TMEM44: variants seen among roughly 807,000 people sequenced by gnomAD.
TMEM44 encodes the protein transmembrane protein 44.
TMEM44 carries 43 observed loss-of-function variants against 47.8 expected under a neutral mutation model. The ratio of observed to expected loss-of-function variants is 0.90; its 90% CI spans 0.70 to 1.16. The LOEUF is 1.16. TMEM44 is among the 50% of genes most tolerant of loss of function. The probability of loss-of-function intolerance (pLI) is 0.00; values close to 1 mark genes in which losing one functional copy is unlikely to be tolerated. For synonymous variants in TMEM44, 277 were observed against 238.8 expected, an observed-to-expected ratio of 1.16 and a Z score of -1.48; for missense variants, 568 against 555.2, an observed-to-expected ratio of 1.02 and a Z score of -0.23.
intron 5 of TMEM44, among the ~76,000 whole-genome samples, chr3:194,622,169 G>A (rs560140514): frequency 1.3e-5 from 2 of 152,320 alleles, no homozygotes; most frequent in South Asian, 2.1e-4. Flanking sequence ...TTTCTCAGGC[G>A]CTTTCGCACG....
chr3:194,627,042 C>T (rs1261376860), intron 2 of TMEM44, among the ~76,000 whole-genome samples: 1 of 151,990 alleles, frequency 6.6e-6, no homozygotes, highest in Non-Finnish European at 1.5e-5. Flanking sequence ...CTGCCTCAGC[C>T]CGCTGAGTAG....
rs773953852 is a variant in TMEM44, at chr3:194,625,993, G to C, written c.265-3C>G. On this transcript the variant is annotated splice_region_variant and splice_polypyrimidine_tract_variant and intron_variant, in intron 2 of 9. Transcript: ENST00000347147. Reference sequence around the variant, plus strand: ...GCTAGGTAGGCACCAGTGAAAACCTGGGAGCAAACGGGAAGAGAGTCTTGG... The same window carrying C: ...GCTAGGTAGGCACCAGTGAAAACCTCGGAGCAAACGGGAAGAGAGTCTTGG... 15 of 1,606,366 alleles carry C rather than the reference G, an allele frequency of 9.3e-6. No individual in the cohort carries two copies. Among genetic ancestry groups the C allele is most frequent in the African/African-American group, 1.3e-5 (1 of 74,774 alleles).
At chr3:194,598,436 TA>T (rs11345614) in intron 9 of TMEM44, among the ~76,000 whole-genome samples, 64,922 of 151,900 alleles carry the variant, frequency 0.43, 14,750 homozygotes, top group East Asian at 0.77. Context: ...CAGTGGTTAA[TA>T]AAGAGAGGCT....
chr3:194,605,452 A>G (rs537859452), intron 8 of TMEM44, among the ~76,000 whole-genome samples: 1 of 152,358 alleles, frequency 6.6e-6, no homozygotes, highest in African/African-American at 2.4e-5. Context: ...ATGGACTTAC[A>G]GTTCCACATG....
intron 9 of TMEM44, among the ~76,000 whole-genome samples, chr3:194,603,687 C>T (rs1304164951): frequency 6.6e-6 from 1 of 152,082 alleles, no homozygotes; most frequent in African/African-American, 2.4e-5. Flanking sequence ...CGTGAGCCAC[C>T]ACACCCAGCC....
chr3:194,632,977 C>T, intron 1 of TMEM44, 102 bp downstream of exon 1: 3 of 1,462,548 alleles, frequency 2.1e-6, no homozygotes, highest in Non-Finnish European at 2.7e-6. Flanking sequence ...CCATCTCCTT[C>T]ATCCCCCTTT....
At position 194,626,106 on chromosome 3, in the gene TMEM44, G is replaced by A. The variant is rs775796992; in HGVS notation, c.265-116C>T. The A allele has an allele frequency of 3.2e-5, 24 of 758,620 alleles. No homozygotes were observed. The East Asian group carries it at 3.6e-4, about 11-fold the overall frequency. The allele number at this position is 758,620 out of a possible 1,614,324, so 47.0% of individuals were successfully genotyped here. A position where few individuals can be genotyped will look rare whatever the true frequency, so the allele number is the denominator to read the frequency against. On this transcript the variant is annotated intron_variant, in intron 2 of 9. Coordinates refer to ENST00000347147, the MANE Select transcript of TMEM44 (RefSeq NM_001011655.3). ...TTACACTGATGCGGTGCTTTCTTAC[G>A]TACTCCTCCAGGGACACCTCCTGCC...
At position 194,617,228 on chromosome 3, in the gene TMEM44, C is replaced by A; in HGVS notation, c.654G>T (p.Arg218=). 1.3e-6 allele frequency: 2 copies of A among 1,551,212 alleles called. No homozygotes were observed. The highest frequency in any genetic ancestry group is 2.4e-5 in the East Asian group (1 of 41,404). The change falls in exon 6 of 10, where the codon CGG becomes CGT. Residue 218 remains arginine (R), a synonymous_variant. Transcript: ENST00000347147. ...KTFPSIHLWT[R]LLSALAGLLY... ...GGAGGCCAGCCAGGGCCGACAGGAGCCGGGTCCACAGGTGGATGGAGGGAA... is the reference window on the plus strand; with the variant it reads ...GGAGGCCAGCCAGGGCCGACAGGAGACGGGTCCACAGGTGGATGGAGGGAA...
intron 9 of TMEM44, among the ~76,000 whole-genome samples, chr3:194,601,322 G>A (rs112502943): frequency 0.03 from 4,083 of 135,564 alleles, 79 homozygotes; most frequent in African/African-American, 0.051. Flanking sequence ...TTTTTTTTTT[G>A]AGATGGAGTT....
intron 9 of TMEM44, among the ~76,000 whole-genome samples, chr3:194,601,335 G>A (rs1466537111): frequency 2.1e-5 from 3 of 143,180 alleles, no homozygotes; most frequent in Non-Finnish European, 3.0e-5. Flanking sequence ...ATGGAGTTTC[G>A]CTCTCGCTGC....
At chr3:194,601,217 C>T (rs1267012831) in intron 9 of TMEM44, among the ~76,000 whole-genome samples, 1 of 150,662 alleles carries the variant, frequency 6.6e-6, no homozygotes, top group East Asian at 1.9e-4. Flanking sequence ...GATCTCGGCT[C>T]ACTGCAATCT....
Position 194,596,272 on chromosome 3 carries a change from A to G in TMEM44, c.1177-7633T>C, listed in dbSNP as rs557945701. Among the ~76,000 whole-genome samples the G allele has an allele frequency of 2.0e-5, 3 of 152,278 alleles. No individual in the cohort carries two copies. The South Asian group carries it at 6.2e-4, about 32-fold the overall frequency. ...ATGAAAGGAGGCAGAGCGCGCCTGC[A>G]TCGCAATCAGGAGCTCCTGCCCCAG... On this transcript the variant is annotated intron_variant, in intron 9 of 9. Coordinates refer to ENST00000347147, the MANE Select transcript of TMEM44 (RefSeq NM_001011655.3).
chr3:194,588,698 C>A, intron 9 of TMEM44, 59 bp from the exon 10 acceptor site: 1 of 1,500,512 alleles, frequency 6.7e-7, no homozygotes, highest in South Asian at 1.1e-5. Context: ...TCTCATCTGT[C>A]ATAACCCCTG....
chr3:194,594,165 A>ATCTATCTATATC (rs766929721), intron 9 of TMEM44, among the ~76,000 whole-genome samples: 11 of 76,444 alleles, frequency 1.4e-4, no homozygotes, highest in African/African-American at 3.5e-4. Flanking sequence ...CTATCTATCT[A>ATCTATCTATATC]TATCTATCTA....
chr3:194,621,860 C>T (rs1246761276), intron 5 of TMEM44, among the ~76,000 whole-genome samples: 3 of 152,124 alleles, frequency 2.0e-5, no homozygotes, highest in Non-Finnish European at 2.9e-5. Context: ...TACAGGCACC[C>T]GCCACCACGC....
At chr3:194,597,778 G>T (rs1309738601) in intron 9 of TMEM44, among the ~76,000 whole-genome samples, 1 of 152,160 alleles carries the variant, frequency 6.6e-6, no homozygotes, top group Non-Finnish European at 1.5e-5. Flanking sequence ...ACCCATTTAG[G>T]TAAAAACAAC....
rs759768773 is a variant in TMEM44, at chr3:194,617,729, C to A, written c.613-460G>T. On this transcript the variant is annotated intron_variant, in intron 5 of 9. Coordinates refer to ENST00000347147, the MANE Select transcript of TMEM44 (RefSeq NM_001011655.3). ...ACTGGGATGGTTTGGACATTTGTCC[C>A]CGCCAGATCTCATGTTGAGTCGTAA... 4.3e-6 allele frequency: 3 copies of A among 704,028 alleles called. 1 individual carries two copies. In the South Asian group the frequency reaches 4.4e-5, roughly 10 times the overall value. The allele number at this position is 704,028 out of a possible 1,614,324, so 43.6% of individuals were successfully genotyped here. A position where few individuals can be genotyped will look rare whatever the true frequency, so the allele number is the denominator to read the frequency against.
intron 5 of TMEM44, 30 bp from the exon 6 acceptor site, chr3:194,617,299 G>GGGGGGT: frequency 4.4e-5 from 27 of 619,602 alleles, no homozygotes; most frequent in Non-Finnish European, 6.2e-5. Flanking sequence ...GGCTGGGCGG[G>GGGGGGT]AGAAGCAGCA....
rs758596508 is a variant in TMEM44 at position 194,617,114 on chromosome 3, C to T, written c.768G>A (p.Ala256=). 28 of 1,548,354 alleles carry T rather than the reference C, an allele frequency of 1.8e-5. 2 individuals carry two copies. The highest frequency in any genetic ancestry group is 1.5e-4 in the South Asian group (12 of 82,638). Residue 256 remains alanine (A), a synonymous_variant, in exon 6 of 10, where the codon GCG becomes GCA. Coordinates refer to ENST00000347147, the MANE Select transcript of TMEM44 (RefSeq NM_001011655.3). ...TPWFLTSLGR[A]ALDLAIIFLS... ...GGGTGGATACAGCGAGGTCCAGTGCCGCACGGCCGAGGGAGGTCAGGAACC... is the reference window on the plus strand; with the variant it reads ...GGGTGGATACAGCGAGGTCCAGTGCTGCACGGCCGAGGGAGGTCAGGAACC...
Sources: gnomAD v4.1 joint callset for allele counts (sites outside exome capture counted in the v4.1 genomes callset) on GRCh38, gnomAD v4.1.1 for gene constraint, MANE v1.5 for transcripts, NCBI Gene and HGNC (gene_info 2026-07-23, HGNC 2026-07-21) for gene names.